UVRAG: variants seen among roughly 807,000 people sequenced by gnomAD.
UVRAG encodes the protein UV radiation resistance associated, also known as UV radiation resistance-associated gene protein.
UVRAG carries 19 observed loss-of-function variants against 78.0 expected under a neutral mutation model. The observed-to-expected ratio is 0.24, with a 90% confidence interval of 0.17 to 0.36. The LOEUF (loss-of-function observed/expected upper bound fraction) is 0.36, where lower values mean the gene tolerates loss of function less well. Ranked by LOEUF, UVRAG falls within the 10% of genes least tolerant of loss-of-function variation. UVRAG has a pLI of 1.00. For missense variants in UVRAG, 740 were observed against 853.8 expected, an observed-to-expected ratio of 0.87 and a Z score of 1.66; for synonymous variants, 323 against 324.6, an observed-to-expected ratio of 1.00 and a Z score of 0.05.
intron 5 of UVRAG, among the ~76,000 whole-genome samples, chr11:75,903,733 C>T (rs1464570659): frequency 6.6e-6 from 1 of 152,132 alleles, no homozygotes; most frequent in Non-Finnish European, 1.5e-5. Flanking sequence ...TCACTTGGAA[C>T]CTTCACTGGG....
intron 12 of UVRAG, among the ~76,000 whole-genome samples, chr11:76,026,250 C>T (rs1950325001): frequency 2.0e-5 from 3 of 152,148 alleles, no homozygotes; most frequent in Admixed American, 6.6e-5. Flanking sequence ...ATGAAAATTC[C>T]AGAACTCTAG....
chr11:76,033,823 T>G (rs140082249), intron 12 of UVRAG, among the ~76,000 whole-genome samples: 16 of 152,192 alleles, frequency 1.1e-4, no homozygotes, highest in African/African-American at 3.1e-4. Context: ...CTGGCAAAAA[T>G]TAGAATGTCT....
chr11:75,831,834 T>A (rs1035511668), intron 1 of UVRAG, among the ~76,000 whole-genome samples: 3 of 152,194 alleles, frequency 2.0e-5, no homozygotes, highest in African/African-American at 7.2e-5. Context: ...ACCTAACCTC[T>A]CGAACACCGT....
At chr11:75,962,612 C>T (rs1489010157) in intron 7 of UVRAG, among the ~76,000 whole-genome samples, 4 of 152,158 alleles carry the variant, frequency 2.6e-5, no homozygotes, top group Non-Finnish European at 2.9e-5. Flanking sequence ...TCTATAAAAA[C>T]ATCTTCCGTT....
chr11:75,855,519 G>T (rs1946268290), intron 2 of UVRAG, among the ~76,000 whole-genome samples: 1 of 152,214 alleles, frequency 6.6e-6, no homozygotes, highest in Admixed American at 6.5e-5. Context: ...CATAGGAGGA[G>T]CTGGGAAGCC....
intron 9 of UVRAG, among the ~76,000 whole-genome samples, chr11:76,005,008 C>T (rs183557994): frequency 1.3e-5 from 2 of 152,234 alleles, no homozygotes; most frequent in East Asian, 3.9e-4. Context: ...ATCCATCCAT[C>T]ATGCACTTTT....
At chr11:76,031,194 T>A (rs561468678) in intron 12 of UVRAG, among the ~76,000 whole-genome samples, 1 of 152,306 alleles carries the variant, frequency 6.6e-6, no homozygotes, top group East Asian at 1.9e-4. Context: ...AGCTATTAAC[T>A]TCTGTGCTGT....
chr11:75,953,687 A>T (rs1948744733), intron 6 of UVRAG, among the ~76,000 whole-genome samples: 1 of 151,876 alleles, frequency 6.6e-6, no homozygotes, highest in South Asian at 2.1e-4. Context: ...ACTTGACATA[A>T]TTTTTTTTAT....
At chr11:75,884,895 T>C (rs1198084508) in intron 4 of UVRAG, among the ~76,000 whole-genome samples, 2 of 152,112 alleles carry the variant, frequency 1.3e-5, no homozygotes, top group Admixed American at 6.5e-5. Context: ...ATATACACTT[T>C]AGAACAGTTT....
rs1951536000 is a variant in UVRAG, at chr11:76,083,539, G to C, written c.1305+17751G>C. ...CTTATAGGTCAAGCCCCTGCACTGA[G>C]TGTTGAAATAAAGCCTAATTAGAAG... On this transcript the variant is annotated intron_variant, in intron 13 of 14. Transcript: ENST00000356136. Among the ~76,000 whole-genome samples the C allele has an allele frequency of 4.6e-5, 7 of 152,282 alleles. 1 individual carries two copies. The South Asian group carries it at 1.5e-3, about 32-fold the overall frequency.
At chr11:75,817,448 A>G (rs1945283783) in intron 1 of UVRAG, among the ~76,000 whole-genome samples, 1 of 152,174 alleles carries the variant, frequency 6.6e-6, no homozygotes, top group African/African-American at 2.4e-5. Flanking sequence ...GCCGAGGGAT[A>G]TATAGTGGCT....
At chr11:76,106,900 T>C (rs913217683) in intron 13 of UVRAG, among the ~76,000 whole-genome samples, 4 of 132,000 alleles carry the variant, frequency 3.0e-5, no homozygotes, top group African/African-American at 1.2e-4. Context: ...GCCTTTAGCC[T>C]CCAGAGAACA....
chr11:75,859,144 G>A (rs1034096780), intron 2 of UVRAG, among the ~76,000 whole-genome samples: 3 of 152,194 alleles, frequency 2.0e-5, no homozygotes, highest in Admixed American at 6.5e-5. Context: ...GGAGGCCGAG[G>A]CGTGTGGATC....
At chr11:76,096,914 C>G (rs1951794165) in intron 13 of UVRAG, among the ~76,000 whole-genome samples, 1 of 152,130 alleles carries the variant, frequency 6.6e-6, no homozygotes, top group African/African-American at 2.4e-5. Flanking sequence ...GCATCCTCGC[C>G]CAAACTGAGG....
chr11:76,130,572 C>T (rs78477149), intron 14 of UVRAG, among the ~76,000 whole-genome samples: 1,559 of 152,326 alleles, frequency 0.01, 31 homozygotes, highest in African/African-American at 0.035. Flanking sequence ...CGGCAAATTG[C>T]AACTCAAACA....
At chr11:76,065,062 A>G (rs1452173807) in intron 12 of UVRAG, among the ~76,000 whole-genome samples, 1 of 152,228 alleles carries the variant, frequency 6.6e-6, no homozygotes, top group African/African-American at 2.4e-5. Flanking sequence ...AAAATAACTC[A>G]TTATCTTTAT....
intron 14 of UVRAG, among the ~76,000 whole-genome samples, chr11:76,127,571 T>G (rs906716023): frequency 2.7e-5 from 4 of 150,404 alleles, no homozygotes; most frequent in African/African-American, 9.8e-5. Flanking sequence ...GAGGTGGAGG[T>G]TGCAGTGAGC....
intron 8 of UVRAG, among the ~76,000 whole-genome samples, chr11:75,989,302 A>G (rs762475838): frequency 5.3e-5 from 8 of 151,774 alleles, no homozygotes; most frequent in African/African-American, 9.7e-5. Context: ...TGATCCGCCT[A>G]CCTCCCAAAG....
chr11:76,092,078 T>A (rs1400912705), intron 13 of UVRAG, among the ~76,000 whole-genome samples: 3 of 151,254 alleles, frequency 2.0e-5, no homozygotes, highest in Non-Finnish European at 4.4e-5. Flanking sequence ...AGTGAGAACA[T>A]GCTGTGGTGT....
Sources: gnomAD v4.1 joint callset for allele counts (sites outside exome capture counted in the v4.1 genomes callset) on GRCh38, gnomAD v4.1.1 for gene constraint, MANE v1.5 for transcripts, NCBI Gene and HGNC (gene_info 2026-07-23, HGNC 2026-07-21) for gene names.